ATAD2B: variants seen among roughly 807,000 people sequenced by gnomAD.
The protein encoded by ATAD2B is ATPase family AAA domain-containing protein 2B.
A neutral mutation model predicts 167.6 loss-of-function variants in ATAD2B; 40 were observed. The ratio of observed to expected loss-of-function variants is 0.24; its 90% CI spans 0.19 to 0.31. The LOEUF is 0.31. ATAD2B is among the 10% of genes least tolerant of loss of function. The pLI, the probability that ATAD2B is intolerant of heterozygous loss-of-function variation, is 1.00. For missense variants in ATAD2B, 1,242 were observed against 1,757.2 expected (o/e 0.71, Z 5.24); for synonymous variants, 579 against 596.5 (o/e 0.97, Z 0.43).
the ATAD2B span, among the ~76,000 whole-genome samples, chr2:23,724,374 C>G: frequency 2.0e-5 from 3 of 151,932 alleles, no homozygotes; most frequent in Non-Finnish European, 4.4e-5. Context: ...CCCATGTACC[C>G]AATGAATACG....
chr2:23,882,222 G>T (rs889159952), intron 6 of ATAD2B, among the ~76,000 whole-genome samples: 1 of 150,502 alleles, frequency 6.6e-6, no homozygotes, highest in Non-Finnish European at 1.5e-5. Flanking sequence ...TATTTTTTTT[G>T]AAACAGAATC....
chr2:23,878,026 A>AAAAAAAAAAAAAAAAG lies in ATAD2B; in HGVS notation c.902-2123_902-2122insCTTTTTTTTTTTTTTT, dbSNP rs1553440562. On this transcript the variant is annotated intron_variant, in intron 7 of 27. Coordinates refer to ENST00000238789, the MANE Select transcript of ATAD2B (RefSeq NM_017552.4). Reference sequence around the variant, plus strand: ...CCCTATCTCCAAAGAAAAAAAAAAAAAAAAAAAAAAAAAGCAAAATGTATA... The same window carrying AAAAAAAAAAAAAAAAG: ...CCCTATCTCCAAAGAAAAAAAAAAAAAAAAAAAAAAAAAAAGAAAAAAAAAAAAAGCAAAATGTATA... Among the ~76,000 whole-genome samples the AAAAAAAAAAAAAAAAG allele has an allele frequency of 3.1e-5, 4 of 129,230 alleles. 1 individual carries two copies. Among genetic ancestry groups the AAAAAAAAAAAAAAAAG allele is most frequent in the Admixed American group, 1.7e-4 (2 of 11,752 alleles). The allele number at this position is 129,230 out of a possible 152,430, so 84.8% of individuals were successfully genotyped here. A position where few individuals can be genotyped will look rare whatever the true frequency, so the allele number is the denominator to read the frequency against.
At chr2:23,761,765 T>C (rs1676768184) in intron 24 of ATAD2B, among the ~76,000 whole-genome samples, 1 of 152,218 alleles carries the variant, frequency 6.6e-6, no homozygotes. Flanking sequence ...GTGCCAATTT[T>C]TCAAACTGAA....
chr2:23,724,991 C>T, the ATAD2B span, among the ~76,000 whole-genome samples: 2 of 137,220 alleles, frequency 1.5e-5, no homozygotes, highest in Non-Finnish European at 3.0e-5. Context: ...TGCAGTGAGC[C>T]GAGATCTCGC....
intron 13 of ATAD2B, among the ~76,000 whole-genome samples, chr2:23,836,088 C>T (rs558137625): frequency 2.7e-4 from 41 of 152,262 alleles, no homozygotes; most frequent in East Asian, 3.9e-4. Context: ...GACCTGACTG[C>T]GCTCGGCTCA....
chr2:23,765,467 A>T, intron 23 of ATAD2B, 39 bp downstream of exon 23: 1 of 1,573,868 alleles, frequency 6.4e-7, no homozygotes, highest in Non-Finnish European at 8.7e-7. Context: ...TGAACAGAGC[A>T]CACTAGGCTT....
chr2:23,691,939 A>C, the ATAD2B span: 1 of 1,486,152 alleles, frequency 6.7e-7, no homozygotes, highest in Non-Finnish European at 9.1e-7. Flanking sequence ...AGAACTCCAT[A>C]AACAGCAAGG....
intron 13 of ATAD2B, among the ~76,000 whole-genome samples, chr2:23,854,602 T>C (rs1693070364): frequency 1.3e-5 from 2 of 148,556 alleles, no homozygotes; most frequent in Admixed American, 6.8e-5. Flanking sequence ...CGCTTGAACC[T>C]GGCAGGCGGC....
chr2:23,745,670 C>T (rs1258667201), downstream of ATAD2B, among the ~76,000 whole-genome samples: 1 of 152,186 alleles, frequency 6.6e-6, no homozygotes, highest in African/African-American at 2.4e-5. Flanking sequence ...CAGTACCTAC[C>T]TCCCACAGTT....
At chr2:23,899,524 T>C (rs1199039659) in intron 1 of ATAD2B, among the ~76,000 whole-genome samples, 1 of 152,176 alleles carries the variant, frequency 6.6e-6, no homozygotes, top group Non-Finnish European at 1.5e-5. Context: ...ACTTCAATCT[T>C]ATAACAATCC....
chr2:23,776,051 G>C (rs1679071260), intron 22 of ATAD2B, among the ~76,000 whole-genome samples: 1 of 152,150 alleles, frequency 6.6e-6, no homozygotes. Context: ...GAGAGACGGA[G>C]GTTGCAGTGA....
chr2:23,688,358 C>A, the ATAD2B span, among the ~76,000 whole-genome samples: 128 of 152,300 alleles, frequency 8.4e-4, no homozygotes, highest in African/African-American at 3.0e-3. Context: ...CACCACTGCC[C>A]ATGGATTCCT....
At chr2:23,878,920 A>C (rs1236356569) in intron 7 of ATAD2B, among the ~76,000 whole-genome samples, 1 of 152,186 alleles carries the variant, frequency 6.6e-6, no homozygotes, top group African/African-American at 2.4e-5. Flanking sequence ...AAGAAAAACA[A>C]ATGAAAAGAT....
the ATAD2B span, chr2:23,706,673 G>A: frequency 3.3e-6 from 5 of 1,513,274 alleles, no homozygotes; most frequent in African/African-American, 6.9e-5. Context: ...GACATCAGCA[G>A]AAAGCCCACG....
the ATAD2B span, among the ~76,000 whole-genome samples, chr2:23,737,321 C>G: frequency 1.3e-5 from 2 of 152,178 alleles, no homozygotes; most frequent in African/African-American, 4.8e-5. Context: ...TGACACCTCA[C>G]ACGGCTTGAT....
At chr2:23,870,095 T>C (rs1179782134) in intron 8 of ATAD2B, among the ~76,000 whole-genome samples, 1 of 146,222 alleles carries the variant, frequency 6.8e-6, no homozygotes, top group Non-Finnish European at 1.6e-5. Context: ...TAGTCCCAGC[T>C]ACTCGGGAGG....
intron 22 of ATAD2B, among the ~76,000 whole-genome samples, chr2:23,773,029 A>G (rs1678571678): frequency 6.6e-6 from 1 of 152,308 alleles, no homozygotes; most frequent in South Asian, 2.1e-4. Context: ...GGTGTGGGCC[A>G]CTGTGCCGGG....
At chr2:23,698,871 C>T in the ATAD2B span, among the ~76,000 whole-genome samples, 2 of 152,300 alleles carry the variant, frequency 1.3e-5, no homozygotes, top group South Asian at 2.1e-4. Flanking sequence ...AGGAAATTCG[C>T]ATTTGGTGCG....
intron 1 of ATAD2B, among the ~76,000 whole-genome samples, chr2:23,902,608 A>C (rs1016584124): frequency 6.6e-5 from 10 of 152,208 alleles, no homozygotes; most frequent in Non-Finnish European, 1.3e-4. Flanking sequence ...TTAAAAGATT[A>C]TGCAATCTAC....
Sources: allele counts gnomAD v4.1 joint callset (sites outside exome capture counted in the v4.1 genomes callset), GRCh38; gene constraint gnomAD v4.1.1; transcripts MANE v1.5; gene names NCBI Gene and HGNC (gene_info 2026-07-23, HGNC 2026-07-21).